Variants in QSOX1 observed in about 807,000 individuals in gnomAD.
The protein encoded by QSOX1 is sulfhydryl oxidase 1.
Under a neutral mutation model 76.1 loss-of-function variants are expected in QSOX1, and 40 were observed. That is an observed-to-expected ratio of 0.53 (90% CI 0.41 to 0.68). The LOEUF (loss-of-function observed/expected upper bound fraction) is 0.68, where lower values mean the gene tolerates loss of function less well. Ranked by LOEUF, QSOX1 falls within the 30% of genes least tolerant of loss-of-function variation. The pLI is 0.00. For synonymous variants in QSOX1, 392 were observed against 413.1 expected, an observed-to-expected ratio of 0.95 and a Z score of 0.62; for missense variants, 931 against 974.3, an observed-to-expected ratio of 0.96 and a Z score of 0.59.
intron 5 of QSOX1, among the ~76,000 whole-genome samples, chr1:180,181,017 T>G (rs1306742340): frequency 6.6e-6 from 1 of 152,196 alleles, no homozygotes; most frequent in Non-Finnish European, 1.5e-5. Context: ...AGGATTCCAA[T>G]GCAGGCAACT....
rs565701990 is a variant in QSOX1, at chr1:180,164,831, G to T, written c.266-1660G>T. ...AGAAAAGAGGTTTAATTGGCTCAGGGTTCTGGAGGCTGTACACAGCATCTG... is the reference window on the plus strand; with the variant it reads ...AGAAAAGAGGTTTAATTGGCTCAGGTTTCTGGAGGCTGTACACAGCATCTG... On this transcript the variant is annotated intron_variant, in intron 1 of 11. Coordinates refer to ENST00000367602, the MANE Select transcript of QSOX1 (RefSeq NM_002826.5). 2.0e-5 allele frequency among the ~76,000 whole-genome samples: 3 copies of T among 152,276 alleles called. 1 individual carries two copies. The South Asian group carries it at 6.2e-4, about 32-fold the overall frequency.
intron 1 of QSOX1, among the ~76,000 whole-genome samples, chr1:180,158,259 G>A (rs1662415400): frequency 6.6e-6 from 1 of 152,238 alleles, no homozygotes; most frequent in Non-Finnish European, 1.5e-5. Context: ...CATGTGCCGA[G>A]CTATGGAGGT....
At chr1:180,193,987 C>T (rs1572055627) in intron 10 of QSOX1, among the ~76,000 whole-genome samples, 1 of 151,982 alleles carries the variant, frequency 6.6e-6, no homozygotes, top group East Asian at 1.9e-4. Context: ...GGAAGGGGAT[C>T]CAGGTTTAGG....
chr1:180,190,837 G>T (rs1403289753), intron 10 of QSOX1, among the ~76,000 whole-genome samples: 2 of 152,186 alleles, frequency 1.3e-5, no homozygotes, highest in Non-Finnish European at 2.9e-5. Flanking sequence ...CGGGAGCTCT[G>T]GGGCTGAGGC....
At position 180,186,163 on chromosome 1, in the gene QSOX1, T is replaced by G. The variant is rs527768719; in HGVS notation, c.998T>G (p.Phe333Cys). 6.2e-7 allele frequency: 1 copy of G among 1,613,690 alleles called. No individual in the cohort carries two copies. The highest frequency in any genetic ancestry group is 1.7e-5 in the Admixed American group (1 of 60,008). The change falls in exon 8 of 12, where the codon TTT (phenylalanine) becomes TGT (cysteine). Residue 333 changes from phenylalanine to cysteine, a missense_variant. By Grantham distance (205) the Phe-to-Cys change is radical. Transcript: ENST00000367602. ...CAGCGCCTGGTGGCCCTGAAAAAGT[T>G]TGTGGCAGTGCTGGCCAAGGTGAGC... ...EGQRLVALKK[F>C]VAVLAKYFPG...
chr1:180,198,942 A>T lies in QSOX1; in HGVS notation c.*1905A>T, dbSNP rs1663571941. On this transcript the variant is annotated 3_prime_UTR_variant, in exon 12 of 12. Transcript: ENST00000367602. ...CCTTGCCCAATGCCAAGTGCTGGGGATTTCTGTCAGCAAGCCCTGTGGCTC... is the reference window on the plus strand; with the variant it reads ...CCTTGCCCAATGCCAAGTGCTGGGGTTTTCTGTCAGCAAGCCCTGTGGCTC... The T allele has an allele frequency of 6.3e-6, 1 of 159,014 alleles. No homozygotes were observed. Among genetic ancestry groups the T allele is most frequent in the African/African-American group, 2.4e-5 (1 of 41,484 alleles). The allele number at this position is 159,014 out of a possible 1,614,324, so 9.9% of individuals were successfully genotyped here.
At chr1:180,169,149 T>C (rs1221322985) in intron 2 of QSOX1, among the ~76,000 whole-genome samples, 1 of 152,292 alleles carries the variant, frequency 6.6e-6, no homozygotes, top group Admixed American at 6.5e-5. Context: ...CCCCATCAGG[T>C]TGGAGCCAGA....
intron 1 of QSOX1, among the ~76,000 whole-genome samples, chr1:180,160,271 CTGAG>C (rs1572037064): frequency 6.6e-6 from 1 of 151,910 alleles, no homozygotes; most frequent in Non-Finnish European, 1.5e-5. Flanking sequence ...TTTTTTGCAA[CTGAG>C]TCTCAATACA....
intron 1 of QSOX1, among the ~76,000 whole-genome samples, chr1:180,155,454 G>A (rs1461337367): frequency 6.6e-6 from 1 of 152,186 alleles, no homozygotes; most frequent in Non-Finnish European, 1.5e-5. Context: ...CCCCCGCCAG[G>A]TTACTGCCTC....
chr1:180,183,856 T>G, intron 6 of QSOX1, 60 bp from the exon 7 acceptor site: 1 of 1,508,172 alleles, frequency 6.6e-7, no homozygotes, highest in Non-Finnish European at 9.0e-7. Context: ...TGACATTGGT[T>G]AGCTCTAATC....
intron 2 of QSOX1, among the ~76,000 whole-genome samples, chr1:180,168,153 C>T (rs1398950769): frequency 2.0e-5 from 3 of 152,242 alleles, no homozygotes; most frequent in Non-Finnish European, 4.4e-5. Flanking sequence ...ATGAAGGAGG[C>T]GGCCTAGGCC....
intron 9 of QSOX1, 85 bp from the exon 10 acceptor site, chr1:180,190,348 A>G: frequency 2.1e-6 from 3 of 1,457,734 alleles, no homozygotes; most frequent in Non-Finnish European, 2.9e-6. Flanking sequence ...CATTTGTCTT[A>G]GGGCTGTCTC....
chr1:180,171,838 G>C (rs986520591), intron 2 of QSOX1, among the ~76,000 whole-genome samples: 3 of 152,206 alleles, frequency 2.0e-5, no homozygotes, highest in African/African-American at 7.2e-5. Flanking sequence ...GGGTGGCAAC[G>C]TGAAAGCAAC....
chr1:180,159,284 T>C (rs140961298), intron 1 of QSOX1, among the ~76,000 whole-genome samples: 82 of 152,384 alleles, frequency 5.4e-4, no homozygotes, highest in African/African-American at 1.7e-3. Flanking sequence ...CTGATACTAC[T>C]GATCATTTTG....
intron 2 of QSOX1, among the ~76,000 whole-genome samples, chr1:180,171,875 ACGAAAGTTGACAAATGCT>A (rs1662767198): frequency 6.6e-6 from 1 of 152,202 alleles, no homozygotes; most frequent in Admixed American, 6.5e-5. Flanking sequence ...AAAATGTGGC[ACGAAAGTTGACAAATGCT>A]CGCCATGGGA....
Position 180,183,935 on chromosome 1 carries a change from T to C in QSOX1, c.772T>C (p.Phe258Leu), listed in dbSNP as rs377358722. ...RVPVLMESRS[F>L]YTAYLQRLSG... ...TCACAGGCTCATGGAATCCAGGTCC[T>C]TCTATACCGCTTACCTGCAGAGACT... is the stretch of plus-strand genomic sequence containing the variant. The change falls in exon 7 of 12, where the codon TTC becomes CTC. Residue 258 changes from phenylalanine (F) to leucine (L), a missense_variant. Transcript: ENST00000367602. 109 of 1,613,766 alleles carry C rather than the reference T, an allele frequency of 6.8e-5. 1 individual carries two copies. The Middle Eastern group carries it at 9.9e-4, about 15-fold the overall frequency.
At chr1:180,182,889 C>T (rs1663074935) in intron 6 of QSOX1, among the ~76,000 whole-genome samples, 3 of 152,156 alleles carry the variant, frequency 2.0e-5, no homozygotes, top group Admixed American at 2.0e-4. Context: ...CAGGCAGGAG[C>T]ATTGGGCCAG....
rs755159325 is a variant in QSOX1 at position 180,196,859 on chromosome 1, G to C, written c.2066G>C (p.Arg689Pro). 6.2e-7 allele frequency: 1 copy of C among 1,603,650 alleles called. No homozygotes were observed. The highest frequency in any genetic ancestry group is 1.1e-5 in the South Asian group (1 of 89,748). ...ATCCCTGAGGGCCAGCTGGAGGCCC[G>C]AGCTGGACGGGGCCGAGGCCAGTGG... ...VDIPEGQLEA[R>P]AGRGRGQWLQ... Residue 689 changes from arginine (R) to proline (P), a missense_variant, in exon 12 of 12, where the codon CGA becomes CCA. Coordinates refer to ENST00000367602, the MANE Select transcript of QSOX1 (RefSeq NM_002826.5). This position sits in a 1 kb window ranked among gnomAD's most constrained non-coding sequence, Gnocchi z 4.1.
At chr1:180,167,117 A>G (rs1001186026) in intron 2 of QSOX1, among the ~76,000 whole-genome samples, 1 of 152,248 alleles carries the variant, frequency 6.6e-6, no homozygotes, top group Non-Finnish European at 1.5e-5. Flanking sequence ...CTTACCTGCC[A>G]GCCTGCCCAG....
Sources: allele counts gnomAD v4.1 joint callset (sites outside exome capture counted in the v4.1 genomes callset), GRCh38; gene constraint gnomAD v4.1.1; non-coding constraint Gnocchi (gnomAD v3.1); transcripts MANE v1.5; gene names NCBI Gene and HGNC (gene_info 2026-07-23, HGNC 2026-07-21).